The following CD44 variants were observed in gnomAD, a reference collection of about 807,000 sequenced individuals.
CD44 encodes the protein CD44 molecule (IN blood group), also known as CD44 antigen.
A neutral mutation model predicts 88.8 loss-of-function variants in CD44; 49 were observed. That is an observed-to-expected ratio of 0.55 (90% CI 0.44 to 0.70). The LOEUF is 0.70. Among genes scored for constraint, CD44 ranks in the 30% least tolerant of loss-of-function variants. The pLI, the probability that CD44 is intolerant of heterozygous loss-of-function variation, is 0.00. For synonymous variants in CD44, 325 were observed against 312.3 expected (o/e 1.04, Z -0.43); for missense variants, 883 against 913.8 (o/e 0.97, Z 0.43).
chr11:35,229,178 G>C lies in CD44; in HGVS notation c.2074G>C (p.Glu692Gln), dbSNP rs200125479. Residue 692 changes from glutamate to glutamine, a missense_variant, in exon 18 of 18, where the codon GAG becomes CAG. This residue lies in a region of CD44 where 631 missense variants were observed against 590.9 expected (regional missense o/e 1.07). Coordinates refer to ENST00000428726, the MANE Select transcript of CD44 (RefSeq NM_000610.4). ...GATCAACAGTGGCAATGGAGCTGTGGAGGACAGAAAGCCAAGTGGACTCAA... is the reference window on the plus strand; with the variant it reads ...GATCAACAGTGGCAATGGAGCTGTGCAGGACAGAAAGCCAAGTGGACTCAA... The part of the protein sequence containing the change: ...LVINSGNGAV[E>Q]DRKPSGLNGE... 1 of 1,614,114 alleles carries C rather than the reference G, an allele frequency of 6.2e-7. No homozygotes were observed. Among genetic ancestry groups the C allele is most frequent in the Non-Finnish European group, 8.5e-7 (1 of 1,179,978 alleles).
intron 16 of CD44, 125 bp from the exon 17 acceptor site, chr11:35,221,529 G>A (rs1949301806): frequency 2.5e-6 from 2 of 794,602 alleles, no homozygotes; most frequent in Admixed American, 1.8e-5. Context: ...TGGACCTATT[G>A]GCCAGACCCC....
intron 17 of CD44, among the ~76,000 whole-genome samples, chr11:35,226,210 T>C (rs924022922): frequency 6.6e-6 from 1 of 152,170 alleles, no homozygotes; most frequent in Non-Finnish European, 1.5e-5. Context: ...CTGTGTCCTA[T>C]AGGTCAAATG....
intron 16 of CD44, among the ~76,000 whole-genome samples, chr11:35,220,936 G>T (rs1253423493): frequency 6.6e-6 from 1 of 151,914 alleles, no homozygotes; most frequent in Non-Finnish European, 1.5e-5. Context: ...GCTAATTTTT[G>T]TAGTTTTAGA....
At chr11:35,220,920 T>C (rs542949464) in intron 16 of CD44, among the ~76,000 whole-genome samples, 6 of 152,140 alleles carry the variant, frequency 3.9e-5, no homozygotes, top group African/African-American at 1.4e-4. Flanking sequence ...CATGCCACCA[T>C]GCCCAGCTAA....
rs538243344 is a variant in CD44 at position 35,209,889 on chromosome 11, A to G, written c.1517-76A>G. ...ATCCATCTGACTCTACTCTAGCTAG[A>G]TTTTCCTTGCTAGCAGATAACAGGA... On this transcript the variant is annotated intron_variant, in intron 12 of 17. Transcript: ENST00000428726. The G allele has an allele frequency of 1.7e-5, 16 of 945,580 alleles. No homozygotes were observed. The East Asian group carries it at 4.3e-4, about 26-fold the overall frequency. 58.6% of individuals were successfully genotyped at this position (945,580 alleles called of 1,614,324 possible).
chr11:35,208,046 G>A (rs901406280), intron 11 of CD44, 59 bp from the exon 12 acceptor site: 1 of 1,029,318 alleles, frequency 9.7e-7, no homozygotes, highest in East Asian at 2.4e-5. Context: ...TAGACCATAA[G>A]CCACCTTCAG....
chr11:35,177,485 G>A (rs539952244), intron 2 of CD44, among the ~76,000 whole-genome samples: 17 of 152,380 alleles, frequency 1.1e-4, no homozygotes, highest in Non-Finnish European at 1.9e-4. Context: ...TTCACTAGAA[G>A]AGGACTGAGT....
In CD44 at chr11:35,141,663, C is replaced by T. The variant is rs76881692; in HGVS notation, c.67+2293C>T. Among the ~76,000 whole-genome samples the T allele has an allele frequency of 2.5e-3, 374 of 152,302 alleles. 1 individual carries two copies. The highest frequency in any genetic ancestry group is 8.5e-3 in the African/African-American group (355 of 41,558). ...AACCCTTGAGGTTCTCCCAGAGACC[C>T]GCAGTCTCCCTCCTGCCCCGTGTTT... On this transcript the variant is annotated intron_variant, in intron 1 of 17. Coordinates refer to ENST00000428726, the MANE Select transcript of CD44 (RefSeq NM_000610.4).
At position 35,158,708 on chromosome 11, in the gene CD44, A is replaced by T. The variant is rs1034028118; in HGVS notation, c.68-17867A>T. Among the ~76,000 whole-genome samples the T allele has an allele frequency of 2.6e-5, 4 of 152,224 alleles. No individual in the cohort carries two copies. In the East Asian group the frequency reaches 7.7e-4, roughly 29 times the overall value. On this transcript the variant is annotated intron_variant, in intron 1 of 17. Coordinates refer to ENST00000428726, the MANE Select transcript of CD44 (RefSeq NM_000610.4). ...CCATTTCTGGGAAAAACATTAGCCA[A>T]TAAACTCTCATTGAATTTGGCAGGG...
At chr11:35,196,146 A>G (rs1404448293) in intron 5 of CD44, among the ~76,000 whole-genome samples, 2 of 152,212 alleles carry the variant, frequency 1.3e-5, no homozygotes, top group Non-Finnish European at 2.9e-5. Context: ...AGGATGTTAA[A>G]TGGTCTGGTT....
At chr11:35,162,598 A>G (rs1488197695) in intron 1 of CD44, among the ~76,000 whole-genome samples, 1 of 152,210 alleles carries the variant, frequency 6.6e-6, no homozygotes, top group Non-Finnish European at 1.5e-5. Context: ...TGAGACTGGC[A>G]TCCGTTGTTC....
chr11:35,208,122 A>G lies in CD44; in HGVS notation c.1432A>G (p.Ser478Gly), dbSNP rs773638372. 7 of 1,604,426 alleles carry G rather than the reference A, an allele frequency of 4.4e-6. No homozygotes were observed. The highest frequency in any genetic ancestry group is 3.4e-6 in the Non-Finnish European group (4 of 1,171,374). ...TCCTTCAGATATGGACTCCAGTCAT[A>G]GTATAACGCTTCAGCCTACTGCAAA... ...GRRMDMDSSHSITLQPTANPN... is the reference protein window; with the variant it reads ...GRRMDMDSSHGITLQPTANPN... Residue 478 changes from serine (S) to glycine (G), a missense_variant, in exon 12 of 18, where the codon AGT becomes GGT. By Grantham distance (56) the Ser-to-Gly change is moderately conservative. Transcript: ENST00000428726.
At chr11:35,166,335 C>G (rs1448103226) in intron 1 of CD44, among the ~76,000 whole-genome samples, 2 of 151,906 alleles carry the variant, frequency 1.3e-5, no homozygotes, top group African/African-American at 4.9e-5. Context: ...AGCAACAGTT[C>G]TGGGACATAT....
At chr11:35,150,651 C>T (rs1860130579) in intron 1 of CD44, among the ~76,000 whole-genome samples, 1 of 152,190 alleles carries the variant, frequency 6.6e-6, no homozygotes. Flanking sequence ...GAAATAAAAT[C>T]CCAGATGTGC....
intron 1 of CD44, among the ~76,000 whole-genome samples, chr11:35,148,320 C>A (rs1249289470): frequency 6.6e-6 from 1 of 152,222 alleles, no homozygotes; most frequent in Non-Finnish European, 1.5e-5. Flanking sequence ...AGGAAACCAG[C>A]TGACGTCAGC....
chr11:35,143,890 CAAG>C (rs1444489966), intron 1 of CD44, among the ~76,000 whole-genome samples: 4 of 152,224 alleles, frequency 2.6e-5, no homozygotes, highest in Non-Finnish European at 4.4e-5. Flanking sequence ...GTCTACAGGA[CAAG>C]TTAGGGCAAT....
chr11:35,160,728 A>G (rs1272417009), intron 1 of CD44, among the ~76,000 whole-genome samples: 1 of 152,158 alleles, frequency 6.6e-6, no homozygotes, highest in East Asian at 1.9e-4. Context: ...AGGTCACTAG[A>G]CCTTCAACCT....
chr11:35,206,303 A>G, intron 11 of CD44, 60 bp downstream of exon 11: 1 of 1,504,316 alleles, frequency 6.6e-7, no homozygotes, highest in Non-Finnish European at 8.9e-7. Flanking sequence ...GTGACTGCTG[A>G]CTATTTTTCT....
In CD44 at chr11:35,164,298, G is replaced by T. The variant is rs189433219; in HGVS notation, c.68-12277G>T. Among the ~76,000 whole-genome samples, 254 of 152,276 alleles carry T rather than the reference G, an allele frequency of 1.7e-3. 2 individuals are homozygous for T. Among genetic ancestry groups the T allele is most frequent in the Admixed American group, 4.2e-3 (64 of 15,282 alleles). ...CTGGCTCTTGCCACATTCATAGCAGGATGCTGAGTGGATTGTACTCAGCCT... is the reference window on the plus strand; with the variant it reads ...CTGGCTCTTGCCACATTCATAGCAGTATGCTGAGTGGATTGTACTCAGCCT... On this transcript the variant is annotated intron_variant, in intron 1 of 17. Transcript: ENST00000428726.
Sources: allele counts gnomAD v4.1 joint callset (sites outside exome capture counted in the v4.1 genomes callset), GRCh38; gene constraint gnomAD v4.1.1; regional missense constraint gnomAD v4.1.1; transcripts MANE v1.5; gene names NCBI Gene and HGNC (gene_info 2026-07-23, HGNC 2026-07-21).